Variants in CNTN5 observed in about 807,000 individuals in gnomAD.
CNTN5 encodes contactin-5.
Under a neutral mutation model 129.1 loss-of-function variants are expected in CNTN5, and 77 were observed. That is an observed-to-expected ratio of 0.60 (90% CI 0.50 to 0.72). CNTN5 has a LOEUF of 0.72. Among genes scored for constraint, CNTN5 ranks in the 30% least tolerant of loss-of-function variants. CNTN5 has a pLI of 0.00. For synonymous variants in CNTN5, 509 were observed against 465.6 expected (o/e 1.09, Z -1.20); for missense variants, 1,478 against 1,328.8 (o/e 1.11, Z -1.75).
chr11:99,371,259 T>C (rs1156954110), intron 2 of CNTN5, among the ~76,000 whole-genome samples: 1 of 152,078 alleles, frequency 6.6e-6, no homozygotes, highest in Non-Finnish European at 1.5e-5. Context: ...ATTTTTAATG[T>C]AAAAATTTTA....
At chr11:99,150,653 T>C (rs1330313374) in intron 1 of CNTN5, among the ~76,000 whole-genome samples, 3 of 152,080 alleles carry the variant, frequency 2.0e-5, no homozygotes, top group Admixed American at 1.3e-4. Flanking sequence ...TCATGTTTTA[T>C]TAATCTAAAA....
intron 6 of CNTN5, among the ~76,000 whole-genome samples, chr11:99,856,306 G>T (rs1377089057): frequency 6.6e-6 from 1 of 152,184 alleles, no homozygotes; most frequent in African/African-American, 2.4e-5. Flanking sequence ...TCAGCTAACT[G>T]CAGTGTCAGC....
At chr11:100,135,235 G>A (rs1330150730) in intron 13 of CNTN5, among the ~76,000 whole-genome samples, 2 of 149,186 alleles carry the variant, frequency 1.3e-5, no homozygotes, top group African/African-American at 4.9e-5. Flanking sequence ...GAGTGCAGTG[G>A]CATGATCTCA....
At chr11:99,785,489 G>T (rs1467523532) in intron 3 of CNTN5, among the ~76,000 whole-genome samples, 1 of 152,022 alleles carries the variant, frequency 6.6e-6, no homozygotes, top group African/African-American at 2.4e-5. Context: ...CGTATGTCCT[G>T]AATGATATTG....
intron 3 of CNTN5, among the ~76,000 whole-genome samples, chr11:99,658,726 T>A (rs1453540648): frequency 1.4e-5 from 2 of 144,762 alleles, no homozygotes; most frequent in African/African-American, 5.0e-5. Flanking sequence ...AAAATATATA[T>A]ATATATATAA....
At chr11:100,258,156 G>A (rs1454760996) in intron 17 of CNTN5, among the ~76,000 whole-genome samples, 2 of 152,088 alleles carry the variant, frequency 1.3e-5, no homozygotes, top group Non-Finnish European at 2.9e-5. Context: ...AGTATCAATA[G>A]CCAAATCAAT....
intron 9 of CNTN5, among the ~76,000 whole-genome samples, chr11:100,006,505 C>G (rs1448292742): frequency 6.6e-6 from 1 of 152,110 alleles, no homozygotes; most frequent in South Asian, 2.1e-4. Flanking sequence ...TTTTCCAGGA[C>G]TACACTAACT....
rs1435449068 is a variant in CNTN5 at position 99,914,385 on chromosome 11, C to T, written c.578-1669C>T. ...TTTGGAAAAAAAAGCCTCTAAGAAT[C>T]AGTCCTTTTGAGTTTAAAGCCATGA... is the stretch of plus-strand genomic sequence containing the variant. On this transcript the variant is annotated intron_variant, in intron 6 of 24. Coordinates refer to ENST00000524871, the MANE Select transcript of CNTN5 (RefSeq NM_014361.4). 4.6e-5 allele frequency among the ~76,000 whole-genome samples: 7 copies of T among 152,210 alleles called. 1 individual carries two copies. Among genetic ancestry groups the T allele is most frequent in the Admixed American group, 4.6e-4 (7 of 15,264 alleles).
chr11:99,176,551 G>A (rs958084275), intron 1 of CNTN5, among the ~76,000 whole-genome samples: 2 of 152,100 alleles, frequency 1.3e-5, no homozygotes, highest in Non-Finnish European at 2.9e-5. Flanking sequence ...TTCTGTAAAT[G>A]GCAACTCCAC....
At chr11:100,174,290 C>A (rs1947900925) in intron 13 of CNTN5, among the ~76,000 whole-genome samples, 1 of 152,056 alleles carries the variant, frequency 6.6e-6, no homozygotes, top group African/African-American at 2.4e-5. Context: ...TAAATTAAAA[C>A]TTTTGAGTTA....
At chr11:99,765,908 C>T (rs973469526) in intron 3 of CNTN5, among the ~76,000 whole-genome samples, 3 of 151,884 alleles carry the variant, frequency 2.0e-5, no homozygotes, top group African/African-American at 4.8e-5. Context: ...AATACAATCA[C>T]ATAATATAAA....
chr11:99,537,892 C>T (rs1331859608), intron 2 of CNTN5, among the ~76,000 whole-genome samples: 1 of 152,076 alleles, frequency 6.6e-6, no homozygotes, highest in Non-Finnish European at 1.5e-5. Context: ...TCATTAATGG[C>T]CTAGAAGACT....
intron 1 of CNTN5, among the ~76,000 whole-genome samples, chr11:99,052,085 G>A (rs1864448382): frequency 6.6e-6 from 1 of 151,874 alleles, no homozygotes; most frequent in Non-Finnish European, 1.5e-5. Flanking sequence ...GTTGTAAATA[G>A]TGGTTTAGCA....
intron 9 of CNTN5, among the ~76,000 whole-genome samples, chr11:100,024,382 AG>A (rs1941306094): frequency 6.6e-6 from 1 of 152,196 alleles, no homozygotes; most frequent in South Asian, 2.1e-4. Flanking sequence ...ACCCAGTCTC[AG>A]GCAGTTCTTC....
chr11:99,341,137 T>G (rs1209920672), intron 2 of CNTN5, among the ~76,000 whole-genome samples: 1 of 152,132 alleles, frequency 6.6e-6, no homozygotes, highest in Non-Finnish European at 1.5e-5. Context: ...TTCAATACCA[T>G]CTTGTAACTG....
chr11:99,283,166 C>T (rs1863774383), intron 1 of CNTN5, among the ~76,000 whole-genome samples: 1 of 152,012 alleles, frequency 6.6e-6, no homozygotes, highest in East Asian at 1.9e-4. Context: ...ATGCTGTGAC[C>T]ACTACCTCTG....
intron 3 of CNTN5, among the ~76,000 whole-genome samples, chr11:99,644,195 T>A (rs950881799): frequency 6.6e-6 from 1 of 150,540 alleles, no homozygotes; most frequent in Admixed American, 6.7e-5. Flanking sequence ...ATTTGACCCA[T>A]GTCTTGGAGA....
intron 1 of CNTN5, among the ~76,000 whole-genome samples, chr11:99,144,468 T>C (rs942656610): frequency 1.3e-5 from 2 of 152,172 alleles, no homozygotes; most frequent in African/African-American, 4.8e-5. Context: ...TTATTGGAAC[T>C]AAGTAAGACA....
chr11:100,050,125 C>G (rs1467046008), intron 9 of CNTN5, among the ~76,000 whole-genome samples: 127 of 152,092 alleles, frequency 8.4e-4, no homozygotes, highest in South Asian at 1.9e-3. Context: ...CCATTACTGG[C>G]TATATACCCA....
Sources: gnomAD v4.1 joint callset for allele counts (sites outside exome capture counted in the v4.1 genomes callset) on GRCh38, gnomAD v4.1.1 for gene constraint, MANE v1.5 for transcripts, NCBI Gene and HGNC (gene_info 2026-07-23, HGNC 2026-07-21) for gene names.